Variants in DMGDH observed in about 807,000 individuals in gnomAD.
DMGDH encodes dimethylglycine dehydrogenase, mitochondrial.
Under a neutral mutation model 95.2 loss-of-function variants are expected in DMGDH, and 76 were observed. The ratio of observed to expected loss-of-function variants is 0.80; its 90% CI spans 0.66 to 0.97. DMGDH has a LOEUF of 0.97. Ranked by LOEUF, DMGDH falls within the 50% of genes least tolerant of loss-of-function variation. The pLI is 0.00. For synonymous variants in DMGDH, 345 were observed against 377.6 expected, an observed-to-expected ratio of 0.91 and a Z score of 1.00; for missense variants, 987 against 1,055.0, an observed-to-expected ratio of 0.94 and a Z score of 0.89.
intron 9 of DMGDH, 142 bp downstream of exon 9, chr5:79,032,545 G>C: frequency 8.3e-7 from 1 of 1,198,206 alleles, no homozygotes; most frequent in East Asian, 2.3e-5. Flanking sequence ...ACCACTGCCA[G>C]AGAGTAATTT....
chr5:79,006,853 A>ACCGCCG lies in DMGDH; in HGVS notation c.2251-1447_2251-1446insCGGCGG, dbSNP rs4021026. Among the ~76,000 whole-genome samples the ACCGCCG allele has an allele frequency of 3.8e-4, 56 of 149,252 alleles. 1 individual carries two copies. The highest frequency in any genetic ancestry group is 8.7e-4 in the Admixed American group (13 of 14,936). On this transcript the variant is annotated intron_variant, in intron 14 of 15. Transcript: ENST00000255189. The stretch of plus-strand genomic sequence containing the variant: ...ACACACCCTCACCTGAGACCCCCCC[A>ACCGCCG]GTCCATTCCTTTCCTAGTTTAGAAC...
intron 14 of DMGDH, chr5:79,021,115 T>C (rs1304005701): frequency 1.0e-6 from 1 of 986,392 alleles, no homozygotes; most frequent in African/African-American, 1.7e-5. Flanking sequence ...GTTAAGAAGA[T>C]TTTAAAAGTA....
chr5:79,031,905 G>A (rs1580202262), intron 9 of DMGDH, among the ~76,000 whole-genome samples: 1 of 152,142 alleles, frequency 6.6e-6, no homozygotes, highest in Admixed American at 6.5e-5. Context: ...ATCTAGATTG[G>A]CTGCTTATAA....
At chr5:79,055,995 G>C (rs1301640479) in intron 2 of DMGDH, 87 bp from the exon 3 acceptor site, 3 of 921,472 alleles carry the variant, frequency 3.3e-6, no homozygotes, top group African/African-American at 3.3e-5. Flanking sequence ...ATAATTTAAT[G>C]CTGGAAAGAA....
Position 79,063,665 on chromosome 5 carries a change from T to C in DMGDH, c.224A>G (p.Asp75Gly). 1 of 1,614,220 alleles carries C rather than the reference T, an allele frequency of 6.2e-7. No individual in the cohort carries two copies. The highest frequency in any genetic ancestry group is 1.6e-4 in the Middle Eastern group (1 of 6,062). The change falls in exon 2 of 16, where the codon GAT becomes GGT. Residue 75 changes from aspartate to glycine, a missense_variant. Coordinates refer to ENST00000255189, the MANE Select transcript of DMGDH (RefSeq NM_013391.3). ...AYHLAKAGMKDVVLLEKSELT... is the reference protein window; with the variant it reads ...AYHLAKAGMKGVVLLEKSELT... ...CTCTGATTTCTCCAGCAGGACCACA[T>C]CTTTCATCCCTGCTTTGGCCAGGTG...
chr5:79,026,107 G>A (rs921309343), intron 13 of DMGDH, among the ~76,000 whole-genome samples: 2 of 152,154 alleles, frequency 1.3e-5, no homozygotes, highest in African/African-American at 2.4e-5. Flanking sequence ...CGGGCAAAAT[G>A]ACAGAGGAGG....
At position 79,032,802 on chromosome 5, in the gene DMGDH, T is replaced by C. The variant is rs371277894; in HGVS notation, c.1402A>G (p.Thr468Ala). The C allele has an allele frequency of 2.1e-4, 332 of 1,614,096 alleles. 3 individuals are homozygous for C. The South Asian group carries it at 2.7e-3, about 13-fold the overall frequency. Residue 468 changes from threonine to alanine, a missense_variant, in exon 9 of 16, where the codon ACT (threonine) becomes GCT (alanine). Thr to Ala is a moderately conservative substitution (Grantham distance 58, BLOSUM62 0). Coordinates refer to ENST00000255189, the MANE Select transcript of DMGDH (RefSeq NM_013391.3). ...PKEERFAGRPTQRVSGLYQRL... is the reference protein window; with the variant it reads ...PKEERFAGRPAQRVSGLYQRL... ...TGATAGAGCCCACTGACTCGTTGAG[T>C]CGGCCTCCCAGCAAACCGTTCTTCT...
intron 4 of DMGDH, among the ~76,000 whole-genome samples, chr5:79,051,949 G>C (rs1428011915): frequency 6.6e-6 from 1 of 152,208 alleles, no homozygotes; most frequent in East Asian, 1.9e-4. Context: ...GGGATACGTT[G>C]ATAGAATGAT....
chr5:79,044,867 C>T (rs1323049493), intron 5 of DMGDH, among the ~76,000 whole-genome samples: 1 of 152,078 alleles, frequency 6.6e-6, no homozygotes, highest in East Asian at 1.9e-4. Context: ...AAACGAACAA[C>T]CCAAATATAC....
intron 14 of DMGDH, among the ~76,000 whole-genome samples, chr5:79,009,361 TTTTC>T (rs1242908371): frequency 2.7e-4 from 17 of 62,740 alleles, no homozygotes; most frequent in African/African-American, 9.5e-4. Flanking sequence ...TTTTCTTTTC[TTTTC>T]TTTTTTTTTT....
At chr5:79,034,133 C>T (rs1480763877) in intron 7 of DMGDH, among the ~76,000 whole-genome samples, 4 of 152,124 alleles carry the variant, frequency 2.6e-5, no homozygotes, top group Non-Finnish European at 5.9e-5. Context: ...GTAGGAAACA[C>T]GGTGGGAGAA....
chr5:79,028,786 T>TCTGG, intron 11 of DMGDH, 136 bp from the exon 12 acceptor site: 1 of 988,898 alleles, frequency 1.0e-6, no homozygotes, highest in Non-Finnish European at 1.5e-6. Context: ...GAAATCACAC[T>TCTGG]GATTTTTAAA....
intron 14 of DMGDH, among the ~76,000 whole-genome samples, chr5:79,008,656 C>T (rs943231222): frequency 2.0e-5 from 3 of 151,918 alleles, no homozygotes; most frequent in Non-Finnish European, 4.4e-5. Context: ...ACTAACTCTA[C>T]CTTTGTCAAA....
At chr5:79,038,240 T>C (rs1055529301) in intron 7 of DMGDH, among the ~76,000 whole-genome samples, 1 of 152,052 alleles carries the variant, frequency 6.6e-6, no homozygotes, top group African/African-American at 2.4e-5. Flanking sequence ...TCCCAGCACT[T>C]TGGGGGGTCG....
rs78420589 is a variant in DMGDH, at chr5:79,029,537, C to T, written c.1814+367G>A. ...ATGCGGGCATCAGAATCAAAAAGCT[C>T]GTGTGAGTAAGTTCCCTTATCCCAA... On this transcript the variant is annotated intron_variant, in intron 11 of 15. Transcript: ENST00000255189. Among the ~76,000 whole-genome samples the T allele has an allele frequency of 4.4e-3, 674 of 152,226 alleles. 6 individuals are homozygous for T. The highest frequency in any genetic ancestry group is 0.016 in the African/African-American group (646 of 41,536).
At chr5:79,000,900 G>A (rs1753441085) in intron 15 of DMGDH, 2 of 663,098 alleles carry the variant, frequency 3.0e-6, no homozygotes, top group East Asian at 5.0e-5. Context: ...AAGCCAATGA[G>A]CATTCAACTG....
chr5:78,999,101 C>T (rs1753408742), intron 15 of DMGDH, among the ~76,000 whole-genome samples: 1 of 152,214 alleles, frequency 6.6e-6, no homozygotes, highest in Non-Finnish European at 1.5e-5. Flanking sequence ...GCACAGTGGA[C>T]TGCTTACAGC....
chr5:79,004,771 T>A (rs1753515693), intron 15 of DMGDH, among the ~76,000 whole-genome samples: 1 of 152,236 alleles, frequency 6.6e-6, no homozygotes, highest in South Asian at 2.1e-4. Context: ...GTGATTTTAC[T>A]CTTCCTGAAG....
intron 2 of DMGDH, among the ~76,000 whole-genome samples, chr5:79,056,613 G>T (rs2112666332): frequency 6.6e-6 from 1 of 150,744 alleles, no homozygotes; most frequent in South Asian, 2.1e-4. Flanking sequence ...CAGCACTTTG[G>T]GAGGCCGAGG....
Sources: gnomAD v4.1 joint callset for allele counts (sites outside exome capture counted in the v4.1 genomes callset) on GRCh38, gnomAD v4.1.1 for gene constraint, MANE v1.5 for transcripts, NCBI Gene and HGNC (gene_info 2026-07-23, HGNC 2026-07-21) for gene names.